Variants in STX18 observed in about 807,000 individuals in gnomAD.
STX18 encodes syntaxin 18.
In STX18, 40 loss-of-function variants were observed where a neutral mutation model predicts 50.1. The ratio of observed to expected loss-of-function variants is 0.80; its 90% CI spans 0.62 to 1.04. The LOEUF (loss-of-function observed/expected upper bound fraction) is 1.04, where lower values mean the gene tolerates loss of function less well. Ranked by LOEUF, STX18 falls within the 50% of genes least tolerant of loss-of-function variation. The pLI is 0.00. For synonymous variants in STX18, 158 were observed against 151.8 expected (o/e 1.04, Z -0.30); for missense variants, 410 against 415.8 (o/e 0.99, Z 0.12).
intron 5 of STX18, among the ~76,000 whole-genome samples, chr4:4,456,912 TG>T (rs1727106826): frequency 6.6e-6 from 1 of 152,110 alleles, no homozygotes; most frequent in Non-Finnish European, 1.5e-5. Context: ...TGTGGGACTG[TG>T]GGATCTAGGG....
chr4:4,421,170 G>A (rs1724939206), intron 9 of STX18, among the ~76,000 whole-genome samples: 1 of 152,120 alleles, frequency 6.6e-6, no homozygotes, highest in Non-Finnish European at 1.5e-5. Context: ...CCGTCACCAA[G>A]GGCTAACGGC....
chr4:4,451,157 G>A (rs927693612), intron 5 of STX18, among the ~76,000 whole-genome samples: 2 of 152,240 alleles, frequency 1.3e-5, no homozygotes, highest in Non-Finnish European at 2.9e-5. Context: ...TTCTCTGACT[G>A]AAGGCTGAAC....
chr4:4,455,077 C>A (rs1387680041), intron 5 of STX18, among the ~76,000 whole-genome samples: 1 of 152,206 alleles, frequency 6.6e-6, no homozygotes, highest in East Asian at 1.9e-4. Context: ...CAAAGTCACA[C>A]AGTTTGAAAG....
chr4:4,444,092 C>A (rs766508949), intron 5 of STX18, among the ~76,000 whole-genome samples: 1 of 152,180 alleles, frequency 6.6e-6, no homozygotes, highest in Non-Finnish European at 1.5e-5. Context: ...TGTATCAGTG[C>A]ATGGCAGACA....
intron 5 of STX18, 102 bp downstream of exon 5, chr4:4,457,088 TC>T (rs1727118686): frequency 2.6e-6 from 3 of 1,145,006 alleles, no homozygotes; most frequent in Admixed American, 2.1e-5. Flanking sequence ...GCGAAGAAGT[TC>T]AAACACGGTA....
At chr4:4,536,687 C>G (rs1731351187) in intron 1 of STX18, among the ~76,000 whole-genome samples, 1 of 152,106 alleles carries the variant, frequency 6.6e-6, no homozygotes, top group Non-Finnish European at 1.5e-5. Context: ...GGAGCAGGGC[C>G]AGATCATCTG....
At chr4:4,492,596 T>C (rs967288089) in intron 1 of STX18, among the ~76,000 whole-genome samples, 4 of 152,194 alleles carry the variant, frequency 2.6e-5, no homozygotes, top group Admixed American at 6.5e-5. Flanking sequence ...TTTTTCAGCG[T>C]GCCTTAGTAT....
intron 5 of STX18, among the ~76,000 whole-genome samples, chr4:4,440,000 G>A (rs1366858596): frequency 1.3e-5 from 2 of 152,188 alleles, no homozygotes; most frequent in African/African-American, 4.8e-5. Context: ...CCAGATTCTG[G>A]ATTAGTGCCT....
intron 1 of STX18, among the ~76,000 whole-genome samples, chr4:4,532,666 T>C (rs776488720): frequency 2.5e-4 from 38 of 151,898 alleles, no homozygotes; most frequent in Non-Finnish European, 4.1e-4. Context: ...ATCAGAAGAG[T>C]GACACCCAGA....
intron 3 of STX18, 127 bp downstream of exon 3, chr4:4,459,245 G>T (rs568835480): frequency 1.5e-6 from 1 of 688,816 alleles, no homozygotes; most frequent in African/African-American, 1.8e-5. Context: ...AGAAAGAAAA[G>T]ATTTTAACGT....
chr4:4,423,824 T>C, intron 8 of STX18: 1 of 548,766 alleles, frequency 1.8e-6, no homozygotes. Flanking sequence ...CACTCTACCA[T>C]GCCAACTGAC....
chr4:4,457,055 G>A (rs1021030562), intron 5 of STX18, 136 bp downstream of exon 5: 12 of 773,004 alleles, frequency 1.6e-5, no homozygotes, highest in African/African-American at 1.2e-4. Flanking sequence ...GTGAGTGCCC[G>A]GTAGCGCCAG....
intron 1 of STX18, among the ~76,000 whole-genome samples, chr4:4,513,252 G>A (rs921076707): frequency 2.5e-4 from 38 of 152,104 alleles, no homozygotes; most frequent in Non-Finnish European, 8.8e-5. Flanking sequence ...GGGGACCCTC[G>A]TCTGGCCTGG....
intron 1 of STX18, among the ~76,000 whole-genome samples, chr4:4,534,294 T>C (rs1294051039): frequency 6.6e-6 from 1 of 152,218 alleles, no homozygotes; most frequent in Non-Finnish European, 1.5e-5. Flanking sequence ...ATCTATTCTC[T>C]ACTATTTAGA....
At chr4:4,424,323 A>T (rs1725128203) in intron 8 of STX18, among the ~76,000 whole-genome samples, 1 of 151,910 alleles carries the variant, frequency 6.6e-6, no homozygotes, top group Non-Finnish European at 1.5e-5. Context: ...AAGTGGTGGG[A>T]GCTGAGCTCC....
At chr4:4,433,540 A>AG (rs965267194) in intron 7 of STX18, among the ~76,000 whole-genome samples, 17 of 151,450 alleles carry the variant, frequency 1.1e-4, no homozygotes, top group African/African-American at 4.1e-4. Context: ...AAATTAAAAA[A>AG]AAAAAAAAAA....
chr4:4,507,855 A>G, intron 1 of STX18: 4 of 629,214 alleles, frequency 6.4e-6, no homozygotes, highest in Non-Finnish European at 1.1e-5. Context: ...AGCGGCAGCT[A>G]GCTAGAAAAA....
chr4:4,464,205 T>A (rs959092929), intron 2 of STX18, among the ~76,000 whole-genome samples: 1 of 152,140 alleles, frequency 6.6e-6, no homozygotes, highest in Non-Finnish European at 1.5e-5. Context: ...TGAAGATGAG[T>A]CCTACGGTAA....
intron 1 of STX18, among the ~76,000 whole-genome samples, chr4:4,539,990 T>C (rs1731504723): frequency 6.6e-6 from 1 of 152,148 alleles, no homozygotes; most frequent in Non-Finnish European, 1.5e-5. Flanking sequence ...AAAAAGCCAA[T>C]ACTGTGATAT....
Sources: allele counts gnomAD v4.1 joint callset (sites outside exome capture counted in the v4.1 genomes callset), GRCh38; gene constraint gnomAD v4.1.1; transcripts MANE v1.5; gene names NCBI Gene and HGNC (gene_info 2026-07-23, HGNC 2026-07-21).